COL17A1: variants seen among roughly 807,000 people sequenced by gnomAD.
COL17A1 encodes the protein collagen type XVII alpha 1 chain.
COL17A1 carries 181 observed loss-of-function variants against 218.4 expected under a neutral mutation model. That is an observed-to-expected ratio of 0.83 (90% CI 0.73 to 0.94). COL17A1 has a LOEUF of 0.94. Among genes scored for constraint, COL17A1 ranks in the 40% least tolerant of loss-of-function variants. The pLI, the probability that COL17A1 is intolerant of heterozygous loss-of-function variation, is 0.00. For missense variants in COL17A1, 1,924 were observed against 1,945.9 expected, an observed-to-expected ratio of 0.99 and a Z score of 0.21; for synonymous variants, 721 against 731.0, an observed-to-expected ratio of 0.99 and a Z score of 0.22.
At chr10:104,046,229 G>A (rs1474588413) in intron 32 of COL17A1, among the ~76,000 whole-genome samples, 3 of 152,220 alleles carry the variant, frequency 2.0e-5, no homozygotes, top group Admixed American at 2.0e-4. Context: ...CTGCTGGGGG[G>A]CTGCTGCCTG....
At chr10:104,076,162 A>G in intron 5 of COL17A1, 139 bp downstream of exon 5, 1 of 1,331,358 alleles carries the variant, frequency 7.5e-7, no homozygotes, top group Non-Finnish European at 1.1e-6. Flanking sequence ...AAGTAATGGA[A>G]GTCCATAAAA....
chr10:104,062,501 C>G (rs1251382971), intron 11 of COL17A1, among the ~76,000 whole-genome samples, 172 bp from the exon 12 acceptor site: 2 of 152,232 alleles, frequency 1.3e-5, no homozygotes, highest in African/African-American at 4.8e-5. Context: ...TTAATACCCC[C>G]ACCTACCTAC....
At chr10:104,039,565 A>T (rs1314480999) in intron 42 of COL17A1, 43 bp downstream of exon 42, 7 of 1,614,068 alleles carry the variant, frequency 4.3e-6, no homozygotes, top group Non-Finnish European at 5.9e-6. Flanking sequence ...GGGTTTGGAG[A>T]GGCTCTGGCC....
chr10:104,048,695 C>A (rs1037445919), intron 29 of COL17A1, among the ~76,000 whole-genome samples: 1 of 152,216 alleles, frequency 6.6e-6, no homozygotes, highest in Non-Finnish European at 1.5e-5. Flanking sequence ...CTTATCTCCC[C>A]TTGAGGGAGG....
At chr10:104,069,749 C>T (rs1303108757) in intron 9 of COL17A1, among the ~76,000 whole-genome samples, 1 of 151,898 alleles carries the variant, frequency 6.6e-6, no homozygotes, top group African/African-American at 2.4e-5. Context: ...CTTGAGTTCA[C>T]AGTTCACCAC....
intron 27 of COL17A1, 111 bp downstream of exon 27, chr10:104,050,510 A>G: frequency 1.3e-6 from 2 of 1,568,260 alleles, no homozygotes; most frequent in East Asian, 4.5e-5. Context: ...GATTAGAATG[A>G]GATCTTGGTC....
At chr10:104,052,027 C>T in intron 24 of COL17A1, 128 bp downstream of exon 24, 1 of 1,266,654 alleles carries the variant, frequency 7.9e-7, no homozygotes, top group Non-Finnish European at 1.2e-6. Context: ...ACCCACCCAC[C>T]ACCCCTGCAC....
intron 44 of COL17A1, 104 bp from the exon 45 acceptor site, chr10:104,038,632 G>T: frequency 1.4e-6 from 2 of 1,433,572 alleles, no homozygotes; most frequent in Non-Finnish European, 1.9e-6. Flanking sequence ...GTCTTCTCAG[G>T]AGGAGAAATA....
At chr10:104,033,052 G>C in intron 53 of COL17A1, 84 bp from the exon 54 acceptor site, 1 of 1,547,674 alleles carries the variant, frequency 6.5e-7, no homozygotes, top group South Asian at 1.2e-5. Context: ...GAGTAACACA[G>C]AGAGATAGTG....
chr10:104,061,543 C>A, intron 12 of COL17A1, 70 bp from the exon 13 acceptor site: 1 of 1,385,366 alleles, frequency 7.2e-7, no homozygotes. Flanking sequence ...CTGATCAGCC[C>A]TGGCAGAGAG....
chr10:104,036,674 TG>T (rs1223181081), intron 47 of COL17A1, 42 bp from the exon 48 acceptor site: 1 of 1,609,392 alleles, frequency 6.2e-7, no homozygotes, highest in East Asian at 2.2e-5. Flanking sequence ...ACCCAGGCCA[TG>T]GGGGTCGCAG....
chr10:104,078,694 A>G (rs1259768915), intron 2 of COL17A1, 108 bp from the exon 3 acceptor site: 5 of 1,469,176 alleles, frequency 3.4e-6, no homozygotes, highest in Admixed American at 1.9e-5. Context: ...ATTAGGTTCG[A>G]CATTGATTTT....
In COL17A1 at chr10:104,039,467, GGGGCCAGGT is replaced by G. The variant is rs1315631478; in HGVS notation, c.2865_2873del (p.Pro956_Pro958del). The G allele has an allele frequency of 1.2e-6, 2 of 1,614,008 alleles. No homozygotes were observed. The highest frequency in any genetic ancestry group is 2.7e-5 in the African/African-American group (2 of 74,910). ...GACCTTTGTCACCTTTGGGTCCCTGGGGGCCAGGTGGGCCTGGTGGTCCCTGAAGGTTGA... is the reference window on the plus strand; with the variant it reads ...GACCTTTGTCACCTTTGGGTCCCTGGGGGCCTGGTGGTCCCTGAAGGTTGA... On this transcript the variant is annotated inframe_deletion, in exon 43 of 56. Coordinates refer to ENST00000648076, the MANE Select transcript of COL17A1 (RefSeq NM_000494.4).
At chr10:104,039,742 C>T in intron 41 of COL17A1, 102 bp from the exon 42 acceptor site, 2 of 1,522,372 alleles carry the variant, frequency 1.3e-6, no homozygotes, top group Non-Finnish European at 1.8e-6. Flanking sequence ...GGCTGCGTTG[C>T]CCTTTGGGCA....
intron 15 of COL17A1, among the ~76,000 whole-genome samples, chr10:104,058,561 AC>A (rs2086553204): frequency 6.6e-6 from 1 of 152,198 alleles, no homozygotes; most frequent in African/African-American, 2.4e-5. Flanking sequence ...CAAGTTCCTG[AC>A]CTGGGGTGGA....
chr10:104,073,932 A>G, intron 6 of COL17A1: 1 of 488,010 alleles, frequency 2.0e-6, no homozygotes, highest in Non-Finnish European at 3.7e-6. Context: ...TCCAAGCCTG[A>G]GCCTTATATA....
At chr10:104,033,193 C>T in intron 53 of COL17A1, 45 bp downstream of exon 53, 2 of 1,565,994 alleles carry the variant, frequency 1.3e-6, no homozygotes, top group Non-Finnish European at 1.7e-6. Context: ...CCGTGGGAAC[C>T]TATGCAGTGA....
At chr10:104,062,117 G>A in intron 12 of COL17A1, 141 bp downstream of exon 12, 1 of 1,310,384 alleles carries the variant, frequency 7.6e-7, no homozygotes, top group Non-Finnish European at 1.1e-6. Flanking sequence ...TAATGATCAA[G>A]ATTGATATCT....
At chr10:104,032,389 G>A in intron 55 of COL17A1, 99 bp from the exon 56 acceptor site, 1 of 1,021,356 alleles carries the variant, frequency 9.8e-7, no homozygotes, top group Non-Finnish European at 1.5e-6. Flanking sequence ...TGCAAAGATG[G>A]CTTCAAAGGT....
Sources: gnomAD v4.1 joint callset for allele counts (sites outside exome capture counted in the v4.1 genomes callset) on GRCh38, gnomAD v4.1.1 for gene constraint, MANE v1.5 for transcripts, NCBI Gene and HGNC (gene_info 2026-07-23, HGNC 2026-07-21) for gene names.